Variants in CACNA2D2 observed in about 807,000 individuals in gnomAD.
CACNA2D2 encodes the protein calcium voltage-gated channel auxiliary subunit alpha2delta 2.
Under a neutral mutation model 166.4 loss-of-function variants are expected in CACNA2D2, and 48 were observed. The ratio of observed to expected loss-of-function variants is 0.29; its 90% CI spans 0.23 to 0.37. The LOEUF (loss-of-function observed/expected upper bound fraction) is 0.37, where lower values mean the gene tolerates loss of function less well. CACNA2D2 is among the 10% of genes least tolerant of loss of function. The pLI is 1.00. For synonymous variants in CACNA2D2, 561 were observed against 573.7 expected (o/e 0.98, Z 0.32); for missense variants, 1,122 against 1,433.0 (o/e 0.78, Z 3.50).
At chr3:50,468,378 A>AGTGTGTGTG (rs1491289565) in intron 2 of CACNA2D2, among the ~76,000 whole-genome samples, 2 of 80,686 alleles carry the variant, frequency 2.5e-5, no homozygotes, top group African/African-American at 1.1e-4. Context: ...GTTCATCAGA[A>AGTGTGTGTG]TAGTGTGTGT....
At chr3:50,440,609 C>T (rs992839006) in intron 2 of CACNA2D2, among the ~76,000 whole-genome samples, 1 of 152,234 alleles carries the variant, frequency 6.6e-6, no homozygotes, top group Non-Finnish European at 1.5e-5. Flanking sequence ...TCAGCCTGCA[C>T]GGGCTACAGT....
intron 3 of CACNA2D2, among the ~76,000 whole-genome samples, chr3:50,413,711 G>A (rs1467005018): frequency 1.3e-5 from 2 of 152,186 alleles, no homozygotes; most frequent in Non-Finnish European, 2.9e-5. Context: ...GCCGGGTGTG[G>A]TGACGCACGC....
intron 2 of CACNA2D2, among the ~76,000 whole-genome samples, chr3:50,469,272 C>A (rs1709962913): frequency 6.6e-6 from 1 of 152,172 alleles, no homozygotes; most frequent in African/African-American, 2.4e-5. Context: ...AGCATCTCTG[C>A]AGCTAGCTCC....
intron 1 of CACNA2D2, among the ~76,000 whole-genome samples, chr3:50,479,660 C>A (rs892740974): frequency 3.9e-5 from 6 of 152,304 alleles, no homozygotes; most frequent in Middle Eastern, 3.4e-3. Context: ...GCCAGGGAAT[C>A]GTACTCACTC....
At position 50,364,620 on chromosome 3, in the gene CACNA2D2, A is replaced by C; in HGVS notation, c.*46T>G. 6.8e-7 allele frequency: 1 copy of C among 1,462,776 alleles called. No homozygotes were observed. Among genetic ancestry groups the C allele is most frequent in the South Asian group, 1.4e-5 (1 of 71,254 alleles). 90.6% of individuals were successfully genotyped at this position (1,462,776 alleles called of 1,614,324 possible). A position where few individuals can be genotyped will look rare whatever the true frequency, so the allele number is the denominator to read the frequency against. On this transcript the variant is annotated 3_prime_UTR_variant, in exon 38 of 38. Transcript: ENST00000424201. Reference sequence around the variant, plus strand: ...GTGGGGCAGGAGGGTGGGAAAGGCGAAGAGGCCGGGTGAGGTGGGAGTGGA... The same window carrying C: ...GTGGGGCAGGAGGGTGGGAAAGGCGCAGAGGCCGGGTGAGGTGGGAGTGGA...
chr3:50,469,569 C>A (rs750246935), intron 2 of CACNA2D2, among the ~76,000 whole-genome samples: 1 of 152,174 alleles, frequency 6.6e-6, no homozygotes, highest in African/African-American at 2.4e-5. Context: ...CCCACACTTA[C>A]GCAGGGCTAG....
At chr3:50,406,735 C>T in intron 3 of CACNA2D2, among the ~76,000 whole-genome samples, 1 of 151,786 alleles carries the variant, frequency 6.6e-6, no homozygotes, top group Non-Finnish European at 1.5e-5. Flanking sequence ...CTACTGCCAA[C>T]ATCACTTCCA....
chr3:50,386,019 A>G (rs587650964), intron 5 of CACNA2D2, among the ~76,000 whole-genome samples: 1 of 152,132 alleles, frequency 6.6e-6, no homozygotes, highest in Admixed American at 6.5e-5. Flanking sequence ...GTCTAGAAAG[A>G]TATCTAACTG....
chr3:50,364,694 ACTT>A lies in CACNA2D2; in HGVS notation c.3401_3403del (p.Gln1134_Val1135delinsLeu), dbSNP rs1704118762. 6.5e-7 allele frequency: 1 copy of A among 1,542,648 alleles called. No individual in the cohort carries two copies. The highest frequency in any genetic ancestry group is 8.7e-7 in the Non-Finnish European group (1 of 1,143,254). ...GAGGCGGCGAGAGGCGTGGACGAGG[ACTT>A]GAGGCTGCGGCCGGGGCGGCAGGCC... On this transcript the variant is annotated inframe_deletion, in exon 38 of 38. Transcript: ENST00000424201.
In CACNA2D2 at chr3:50,365,845, G is replaced by A. The variant is rs1241015631; in HGVS notation, c.2880C>T (p.Phe960=). 6 of 1,613,350 alleles carry A rather than the reference G, an allele frequency of 3.7e-6. No homozygotes were observed. The highest frequency in any genetic ancestry group is 5.1e-6 in the Non-Finnish European group (6 of 1,180,024). The change falls in exon 33 of 38, where the codon TTC becomes TTT. Residue 960 remains phenylalanine, a synonymous_variant. Coordinates refer to ENST00000424201, the MANE Select transcript of CACNA2D2 (RefSeq NM_006030.4). The surrounding 1 kb of genome is among the most constrained non-coding windows in gnomAD (Gnocchi z 4.5). The part of the protein sequence containing the change: ...RGVFVPTVAD[F]LNLAWWTSAA... ...CAGAGGTCCACCAGGCCAGGTTAAG[G>A]AAATCTGCAACGGTGGGCTGCAGTG...
intron 3 of CACNA2D2, among the ~76,000 whole-genome samples, chr3:50,404,569 G>T (rs1706602755): frequency 6.6e-6 from 1 of 152,192 alleles, no homozygotes; most frequent in Non-Finnish European, 1.5e-5. Flanking sequence ...CCTCCTCCAA[G>T]AAGCCTTCTC....
intron 13 of CACNA2D2, 49 bp from the exon 14 acceptor site, chr3:50,378,382 C>G: frequency 6.5e-7 from 1 of 1,536,256 alleles, no homozygotes; most frequent in Non-Finnish European, 8.8e-7. Flanking sequence ...ACTGCAGGAT[C>G]CATGTGCAGA....
chr3:50,494,675 A>T (rs755169175), intron 1 of CACNA2D2, among the ~76,000 whole-genome samples: 7 of 152,040 alleles, frequency 4.6e-5, no homozygotes, highest in East Asian at 1.9e-4. Context: ...TTATTTATTT[A>T]TTATTTATTT....
intron 2 of CACNA2D2, among the ~76,000 whole-genome samples, chr3:50,445,498 T>A (rs1055557328): frequency 2.0e-5 from 3 of 152,236 alleles, no homozygotes; most frequent in Admixed American, 2.0e-4. Context: ...TAAGTTTTCC[T>A]TTTTCTCCTA....
chr3:50,495,381 C>T (rs1358217312), intron 1 of CACNA2D2, among the ~76,000 whole-genome samples: 4 of 152,214 alleles, frequency 2.6e-5, no homozygotes, highest in African/African-American at 9.7e-5. Context: ...TGACAACACA[C>T]AGGCGCGTCC....
At chr3:50,440,662 G>A (rs1255909179) in intron 2 of CACNA2D2, among the ~76,000 whole-genome samples, 2 of 152,204 alleles carry the variant, frequency 1.3e-5, no homozygotes, top group Non-Finnish European at 2.9e-5. Context: ...AGGGTGCCTG[G>A]CCTGGTCTCC....
intron 3 of CACNA2D2, among the ~76,000 whole-genome samples, chr3:50,430,478 ATGTC>A (rs1708015169): frequency 2.0e-5 from 3 of 152,178 alleles, no homozygotes; most frequent in Admixed American, 2.0e-4. Flanking sequence ...GAGGGTGCTC[ATGTC>A]CTTATTTCAT....
At chr3:50,470,374 G>C (rs1710015187) in intron 2 of CACNA2D2, among the ~76,000 whole-genome samples, 1 of 152,170 alleles carries the variant, frequency 6.6e-6, no homozygotes, top group South Asian at 2.1e-4. Flanking sequence ...CACAGAAGGG[G>C]TGGCCAACAT....
chr3:50,492,374 A>C (rs1398720700), intron 1 of CACNA2D2, among the ~76,000 whole-genome samples: 3 of 152,244 alleles, frequency 2.0e-5, no homozygotes, highest in South Asian at 2.1e-4. Flanking sequence ...CGTGGCCTGA[A>C]TGGCCTCCTT....
Sources: gnomAD v4.1 joint callset for allele counts (sites outside exome capture counted in the v4.1 genomes callset) on GRCh38, gnomAD v4.1.1 for gene constraint, Gnocchi (gnomAD v3.1) non-coding constraint, MANE v1.5 for transcripts, NCBI Gene and HGNC (gene_info 2026-07-23, HGNC 2026-07-21) for gene names.